The following ZMYM6 variants were observed in gnomAD, a reference collection of about 807,000 sequenced individuals.
The protein encoded by ZMYM6 is zinc finger MYM-type containing 6.
A neutral mutation model predicts 134.0 loss-of-function variants in ZMYM6; 90 were observed. The ratio of observed to expected loss-of-function variants is 0.67; its 90% confidence interval spans 0.57 to 0.80. The LOEUF (loss-of-function observed/expected upper bound fraction) is 0.80, where lower values mean the gene tolerates loss of function less well. ZMYM6 is among the 30% of genes least tolerant of loss of function. The pLI, the probability that ZMYM6 is intolerant of heterozygous loss-of-function variation, is 0.00. For synonymous variants in ZMYM6, 481 were observed against 524.1 expected (o/e 0.92, Z 1.12); for missense variants, 1,362 against 1,533.9 (o/e 0.89, Z 1.87).
At chr1:35,014,126 T>C (rs749206238) in intron 6 of ZMYM6, among the ~76,000 whole-genome samples, 47 of 152,262 alleles carry the variant, frequency 3.1e-4, no homozygotes, top group Non-Finnish European at 6.0e-4. Flanking sequence ...AGTATTCTCA[T>C]GAGACAGTGT....
chr1:34,994,950 A>G (rs941762634), intron 14 of ZMYM6, among the ~76,000 whole-genome samples: 6 of 146,386 alleles, frequency 4.1e-5, no homozygotes, highest in Admixed American at 6.9e-5. Flanking sequence ...ATGTATACAT[A>G]TATCCATAAT....
intron 10 of ZMYM6, 137 bp downstream of exon 10, chr1:35,010,310 C>T (rs1641062925): frequency 8.6e-7 from 1 of 1,157,432 alleles, no homozygotes; most frequent in East Asian, 2.5e-5. Flanking sequence ...CGTGAGCCTC[C>T]ATGCCCGGCC....
chr1:35,014,688 T>TA lies in ZMYM6; in HGVS notation c.795+8dup. On this transcript the variant is annotated intron_variant, in intron 6 of 15. Coordinates refer to ENST00000357182, the MANE Select transcript of ZMYM6 (RefSeq NM_007167.4). ...GGCCTAAGTACATGCAACAAATAGA[T>TA]ATTCATACCTGCTTGTATGCCGTGA... The TA allele has an allele frequency of 1.2e-6, 2 of 1,610,346 alleles. No homozygotes were observed. Among genetic ancestry groups the TA allele is most frequent in the Non-Finnish European group, 1.7e-6 (2 of 1,178,074 alleles).
chr1:35,024,837 A>G (rs1437112032), intron 2 of ZMYM6, among the ~76,000 whole-genome samples: 1 of 151,090 alleles, frequency 6.6e-6, no homozygotes, highest in African/African-American at 2.4e-5. Context: ...TGCACCTCAC[A>G]CAATTTTAAA....
chr1:35,020,774 C>G (rs1396005540), intron 2 of ZMYM6, among the ~76,000 whole-genome samples: 2 of 151,794 alleles, frequency 1.3e-5, no homozygotes, highest in Non-Finnish European at 2.9e-5. Context: ...GGTTTCACCA[C>G]ATTGGCCAGG....
At chr1:35,031,111 G>A (rs1253701575) in intron 1 of ZMYM6, among the ~76,000 whole-genome samples, 1 of 152,126 alleles carries the variant, frequency 6.6e-6, no homozygotes, top group East Asian at 1.9e-4. Context: ...TCTCAAAGAG[G>A]GGCACAACAA....
chr1:35,002,179 G>C (rs1021689639), intron 14 of ZMYM6, among the ~76,000 whole-genome samples: 1 of 152,092 alleles, frequency 6.6e-6, no homozygotes, highest in South Asian at 2.1e-4. Flanking sequence ...TAATCCATGG[G>C]GGACAACCCA....
At chr1:35,004,392 G>T (rs946865193) in intron 13 of ZMYM6, among the ~76,000 whole-genome samples, 1 of 151,890 alleles carries the variant, frequency 6.6e-6, no homozygotes, top group Non-Finnish European at 1.5e-5. Flanking sequence ...AGGCCAAGGC[G>T]GGAGGCCAGG....
chr1:35,007,237 A>G, intron 11 of ZMYM6, 139 bp from the exon 12 acceptor site: 1 of 764,878 alleles, frequency 1.3e-6, no homozygotes, highest in Non-Finnish European at 1.9e-6. Flanking sequence ...TTACCTTAAA[A>G]TACTGATTTT....
At chr1:35,030,760 T>C in intron 1 of ZMYM6, 47 bp from the exon 2 acceptor site, 3 of 1,032,916 alleles carry the variant, frequency 2.9e-6, no homozygotes, top group Admixed American at 2.7e-5. Context: ...GGCTTATCTA[T>C]ATGAAAGAAA....
At chr1:34,999,086 C>T (rs1361397570) in intron 14 of ZMYM6, among the ~76,000 whole-genome samples, 1 of 152,178 alleles carries the variant, frequency 6.6e-6, no homozygotes, top group African/African-American at 2.4e-5. Flanking sequence ...CATGCCACTG[C>T]ACTCAAGACC....
intron 2 of ZMYM6, among the ~76,000 whole-genome samples, chr1:35,020,719 T>C (rs1641294925): frequency 6.6e-6 from 1 of 151,956 alleles, no homozygotes; most frequent in Non-Finnish European, 1.5e-5. Context: ...ACTACAGGTA[T>C]GTGCTACCAC....
At chr1:35,002,294 G>C (rs1229856087) in intron 14 of ZMYM6, among the ~76,000 whole-genome samples, 1 of 152,170 alleles carries the variant, frequency 6.6e-6, no homozygotes, top group Non-Finnish European at 1.5e-5. Flanking sequence ...CCAAGTTAAA[G>C]CCTCTTTAAA....
intron 4 of ZMYM6, 110 bp downstream of exon 4, chr1:35,019,243 T>C (rs1158254870): frequency 2.7e-6 from 4 of 1,461,152 alleles, no homozygotes; most frequent in Non-Finnish European, 3.7e-6. Flanking sequence ...AAAAAGTTAT[T>C]TCTACAGATA....
Position 35,012,379 on chromosome 1 carries a change from G to A in ZMYM6, c.946+52C>T, listed in dbSNP as rs763582815. The A allele has an allele frequency of 2.4e-4, 326 of 1,368,740 alleles. 1 individual carries two copies. The Middle Eastern group carries it at 2.7e-3, about 12-fold the overall frequency. 84.8% of individuals were successfully genotyped at this position (1,368,740 alleles called of 1,614,324 possible). A position where few individuals can be genotyped will look rare whatever the true frequency, so the allele number is the denominator to read the frequency against. On this transcript the variant is annotated intron_variant, in intron 7 of 15. Transcript: ENST00000357182. The stretch of plus-strand genomic sequence containing the variant: ...AACAAAATCAGAGAAAAGCAGTTAC[G>A]TTTTTCTTCAATAGTTATTAAATCT...
At chr1:34,994,349 C>A (rs1406265365) in intron 14 of ZMYM6, among the ~76,000 whole-genome samples, 1 of 152,192 alleles carries the variant, frequency 6.6e-6, no homozygotes, top group Non-Finnish European at 1.5e-5. Context: ...AAGTAAACAT[C>A]TGAGCAGAGA....
chr1:35,019,098 T>A lies in ZMYM6; in HGVS notation c.428+255A>T, dbSNP rs901993378. The A allele has an allele frequency of 4.4e-5, 26 of 585,818 alleles. 2 individuals are homozygous for A. Among genetic ancestry groups the A allele is most frequent in the Middle Eastern group, 4.5e-4 (1 of 2,216 alleles). The allele number at this position is 585,818 out of a possible 1,614,324, so 36.3% of individuals were successfully genotyped here. ...CTACAATTACAGGATAGTCCTGCAA[T>A]TCCCACATGTCATTTGTTATTTCTT... On this transcript the variant is annotated intron_variant, in intron 4 of 15. Transcript: ENST00000357182.
In ZMYM6 at chr1:35,030,614, C is replaced by T; in HGVS notation, c.26G>A (p.Cys9Tyr). Residue 9 changes from cysteine (C) to tyrosine (Y), a missense_variant, in exon 2 of 16, where the codon TGT (cysteine) becomes TAT (tyrosine). Physicochemically the swap from Cys to Tyr is radical, Grantham distance 194. This residue lies in a region of ZMYM6 where 503 missense variants were observed against 520.8 expected (regional missense o/e 0.97). Transcript: ENST00000357182. ...CTGCTGTGGTACCACTGCTTTGCCA[C>T]ATTCACCATCCAAAGGTTCTTTCAT... MKEPLDGECGKAVVPQQEL... is the reference protein window; with the variant it reads MKEPLDGEYGKAVVPQQEL... 1 of 1,613,778 alleles carries T rather than the reference C, an allele frequency of 6.2e-7. No individual in the cohort carries two copies. Among genetic ancestry groups the T allele is most frequent in the Non-Finnish European group, 8.5e-7 (1 of 1,180,016 alleles).
rs1486638907 is a variant in ZMYM6, at chr1:34,988,614, A to C, written c.2468T>G (p.Leu823Arg). 6.5e-7 allele frequency: 1 copy of C among 1,549,452 alleles called. No homozygotes were observed. Among genetic ancestry groups the C allele is most frequent in the South Asian group, 1.2e-5 (1 of 83,348 alleles). Reference protein sequence around the residue: ...CQNSSLKKCLLVEKSLVKASY... With the variant: ...CQNSSLKKCLRVEKSLVKASY... ...AGCTTTCACAAGTGACTTTTCAACT[A>C]GTAAACACTTTTTTAAAGAACTATT... Residue 823 changes from leucine to arginine, a missense_variant, in exon 16 of 16, where the codon CTA becomes CGA. This residue lies in a region of ZMYM6 where 824 missense variants were observed against 940.9 expected (regional missense o/e 0.88). Coordinates refer to ENST00000357182, the MANE Select transcript of ZMYM6 (RefSeq NM_007167.4).
Sources: allele counts gnomAD v4.1 joint callset (sites outside exome capture counted in the v4.1 genomes callset), GRCh38; gene constraint gnomAD v4.1.1; regional missense constraint gnomAD v4.1.1; transcripts MANE v1.5; gene names NCBI Gene and HGNC (gene_info 2026-07-23, HGNC 2026-07-21).